IFTAP: variants seen among roughly 807,000 people sequenced by gnomAD.
The protein encoded by IFTAP is intraflagellar transport-associated protein.
IFTAP carries 19 observed loss-of-function variants against 19.4 expected under a neutral mutation model. The ratio of observed to expected loss-of-function variants is 0.98; its 90% CI spans 0.68 to 1.44. The LOEUF is 1.44. Among genes scored for constraint, IFTAP ranks in the 40% most tolerant of loss-of-function variants. The probability of loss-of-function intolerance (pLI) is 0.00; values close to 1 mark genes in which losing one functional copy is unlikely to be tolerated. For synonymous variants in IFTAP, 85 were observed against 83.5 expected, an observed-to-expected ratio of 1.02 and a Z score of -0.10; for missense variants, 240 against 253.6, an observed-to-expected ratio of 0.95 and a Z score of 0.36.
At chr11:36,594,800 C>CG (rs1214412003) in intron 1 of IFTAP, 2 of 153,144 alleles carry the variant, frequency 1.3e-5, no homozygotes, top group African/African-American at 4.8e-5. Flanking sequence ...TGTTGGAGTG[C>CG]GGTTACCTGG....
chr11:36,631,930 T>C (rs1590219341), intron 2 of IFTAP, among the ~76,000 whole-genome samples: 2 of 151,418 alleles, frequency 1.3e-5, no homozygotes, highest in African/African-American at 4.9e-5. Context: ...TTTGTCTCCT[T>C]TCTGGCTCCC....
intron 2 of IFTAP, among the ~76,000 whole-genome samples, chr11:36,616,196 A>C (rs557725923): frequency 5.9e-5 from 9 of 152,076 alleles, no homozygotes; most frequent in African/African-American, 2.2e-4. Flanking sequence ...GTGATTCTAG[A>C]GTTTTTATAT....
chr11:36,607,425 T>C (rs1851732847), intron 1 of IFTAP, among the ~76,000 whole-genome samples: 1 of 152,198 alleles, frequency 6.6e-6, no homozygotes, highest in Non-Finnish European at 1.5e-5. Flanking sequence ...CCATATATTA[T>C]ACAAAATCTC....
chr11:36,625,256 A>G (rs1852466768), intron 2 of IFTAP, among the ~76,000 whole-genome samples: 1 of 152,176 alleles, frequency 6.6e-6, no homozygotes, highest in South Asian at 2.1e-4. Flanking sequence ...TAAAATGCAC[A>G]TAAATATGTT....
At chr11:36,649,012 C>T (rs1853601792) in intron 5 of IFTAP, among the ~76,000 whole-genome samples, 1 of 152,242 alleles carries the variant, frequency 6.6e-6, no homozygotes, top group Admixed American at 6.5e-5. Context: ...GAGACTGTTG[C>T]TAGTGCTGGT....
At chr11:36,625,244 T>C (rs1852466208) in intron 2 of IFTAP, among the ~76,000 whole-genome samples, 1 of 152,148 alleles carries the variant, frequency 6.6e-6, no homozygotes, top group African/African-American at 2.4e-5. Context: ...ATAAAAAATA[T>C]ATAAAATGCA....
intron 4 of IFTAP, among the ~76,000 whole-genome samples, chr11:36,641,763 G>A (rs1292514914): frequency 6.6e-6 from 1 of 152,164 alleles, no homozygotes; most frequent in Non-Finnish European, 1.5e-5. Context: ...GATTTGGGGT[G>A]GAGAGTTTTG....
intron 2 of IFTAP, among the ~76,000 whole-genome samples, chr11:36,621,619 A>G (rs1044541450): frequency 6.6e-6 from 1 of 151,990 alleles, no homozygotes; most frequent in Non-Finnish European, 1.5e-5. Context: ...CTGAGTGTTG[A>G]GTTTAGTCCC....
chr11:36,599,881 A>G (rs1218647502), intron 1 of IFTAP, among the ~76,000 whole-genome samples: 1 of 152,244 alleles, frequency 6.6e-6, no homozygotes, highest in Non-Finnish European at 1.5e-5. Context: ...CATAAAATTG[A>G]TATATTGGAT....
At chr11:36,629,126 T>C (rs1852632988) in intron 2 of IFTAP, among the ~76,000 whole-genome samples, 1 of 151,366 alleles carries the variant, frequency 6.6e-6, no homozygotes. Context: ...AAGGAGCATG[T>C]GATCAAGAAG....
chr11:36,633,506 A>G (rs1852808156), intron 3 of IFTAP, 68 bp downstream of exon 3: 1 of 1,276,016 alleles, frequency 7.8e-7, no homozygotes, highest in Non-Finnish European at 1.0e-6. Context: ...AATCAAAAAA[A>G]AGAGACCCTA....
chr11:36,616,213 A>G (rs970542109), intron 2 of IFTAP, among the ~76,000 whole-genome samples: 5 of 151,998 alleles, frequency 3.3e-5, no homozygotes, highest in African/African-American at 7.2e-5. Context: ...ATATTGCCAC[A>G]TAATAACAGC....
At chr11:36,613,955 A>G (rs1477584378) in intron 2 of IFTAP, among the ~76,000 whole-genome samples, 2 of 150,756 alleles carry the variant, frequency 1.3e-5, no homozygotes, top group East Asian at 2.0e-4. Context: ...TTTAGGGTAC[A>G]TGTGCACATT....
chr11:36,626,116 G>A lies in IFTAP; in HGVS notation c.137-7168G>A, dbSNP rs150280033. 5.3e-4 allele frequency among the ~76,000 whole-genome samples: 80 copies of A among 151,230 alleles called. 1 individual carries two copies. Among genetic ancestry groups the A allele is most frequent in the Middle Eastern group, 6.8e-3 (2 of 294 alleles). ...TTTGTTGATTGATTTTAGTACTAGC[G>A]TCTTTGCACCCTTCTTACTTATGGC... On this transcript the variant is annotated intron_variant, in intron 2 of 5. Coordinates refer to ENST00000334307, the MANE Select transcript of IFTAP (RefSeq NM_138787.4).
intron 4 of IFTAP, 101 bp downstream of exon 4, chr11:36,636,218 C>G: frequency 1.2e-6 from 1 of 850,242 alleles, no homozygotes; most frequent in Non-Finnish European, 1.9e-6. Context: ...TTACCTCCAC[C>G]TCTCCTAAGA....
intron 4 of IFTAP, among the ~76,000 whole-genome samples, chr11:36,641,043 C>T (rs1176127203): frequency 6.6e-6 from 1 of 152,064 alleles, no homozygotes; most frequent in Non-Finnish European, 1.5e-5. Context: ...AAAATATCCA[C>T]AACTATATAA....
intron 4 of IFTAP, among the ~76,000 whole-genome samples, chr11:36,638,713 G>T (rs1451394224): frequency 6.6e-6 from 1 of 152,156 alleles, no homozygotes; most frequent in Non-Finnish European, 1.5e-5. Flanking sequence ...CAGCTGGGAG[G>T]TTTACTGATT....
At chr11:36,642,971 C>G (rs1565027348) in intron 4 of IFTAP, among the ~76,000 whole-genome samples, 2 of 152,182 alleles carry the variant, frequency 1.3e-5, no homozygotes, top group Non-Finnish European at 2.9e-5. Flanking sequence ...CCTCTTTCAC[C>G]ACTCCCATTC....
chr11:36,619,216 C>T (rs958693710), intron 2 of IFTAP, among the ~76,000 whole-genome samples: 2 of 151,800 alleles, frequency 1.3e-5, no homozygotes, highest in African/African-American at 4.8e-5. Context: ...TTTGAGTTGT[C>T]ATTTCAGCCA....
Sources: allele counts gnomAD v4.1 joint callset (sites outside exome capture counted in the v4.1 genomes callset), GRCh38; gene constraint gnomAD v4.1.1; transcripts MANE v1.5; gene names NCBI Gene and HGNC (gene_info 2026-07-23, HGNC 2026-07-21).